INPP5D: variants seen among roughly 807,000 people sequenced by gnomAD.
The protein encoded by INPP5D is inositol polyphosphate-5-phosphatase D.
A neutral mutation model predicts 122.9 loss-of-function variants in INPP5D; 33 were observed. The observed-to-expected ratio is 0.27, with a 90% confidence interval of 0.20 to 0.36. INPP5D has a LOEUF of 0.36. Among genes scored for constraint, INPP5D ranks in the 10% least tolerant of loss-of-function variants. INPP5D has a pLI of 1.00. For synonymous variants in INPP5D, 584 were observed against 576.2 expected, an observed-to-expected ratio of 1.01 and a Z score of -0.19; for missense variants, 1,053 against 1,412.7, an observed-to-expected ratio of 0.75 and a Z score of 4.08.
intron 18 of INPP5D, among the ~76,000 whole-genome samples, chr2:233,180,861 A>T (rs1694766728): frequency 1.3e-5 from 2 of 148,532 alleles, no homozygotes; most frequent in South Asian, 2.1e-4. Flanking sequence ...TTTAGTAGAG[A>T]CGGGGTTTTG....
chr2:233,178,459 A>AT (rs1694701432), intron 18 of INPP5D, among the ~76,000 whole-genome samples: 2 of 145,336 alleles, frequency 1.4e-5, no homozygotes, highest in Non-Finnish European at 3.0e-5. Context: ...GTGGTATTTT[A>AT]TTATTTATTT....
At position 233,170,987 on chromosome 2, in the gene INPP5D, T is replaced by C; in HGVS notation, c.1901-77T>C. Reference sequence around the variant, plus strand: ...TTTCGTCCCCTTTCCCCTGATTTCCTACCAGAAGAATAGGGAAAATTGGCC... The same window carrying C: ...TTTCGTCCCCTTTCCCCTGATTTCCCACCAGAAGAATAGGGAAAATTGGCC... On this transcript the variant is annotated intron_variant, in intron 16 of 26. Transcript: ENST00000445964. This position sits in a 1 kb window ranked among gnomAD's most constrained non-coding sequence, Gnocchi z 4.5. The C allele has an allele frequency of 6.4e-7, 1 of 1,556,162 alleles. No homozygotes were observed. The highest frequency in any genetic ancestry group is 8.7e-7 in the Non-Finnish European group (1 of 1,147,228).
chr2:233,153,202 A>G (rs1474436118), intron 9 of INPP5D, among the ~76,000 whole-genome samples: 2 of 152,212 alleles, frequency 1.3e-5, no homozygotes. Context: ...CCTGGGGGCA[A>G]CCGCACAGTC....
rs1691031785 is a variant in INPP5D, at chr2:233,060,389, C to T, written c.-90C>T. On this transcript the variant is annotated 5_prime_UTR_variant, in exon 1 of 27. Coordinates refer to ENST00000445964, the MANE Select transcript of INPP5D (RefSeq NM_001017915.3). ...GAGGCCACCAAGAGGCAACGGGCGG[C>T]AGGTTGCAGTGGAGGGGCCTCCGCT... 1 of 1,420,840 alleles carries T rather than the reference C, an allele frequency of 7.0e-7. No individual in the cohort carries two copies. Among genetic ancestry groups the T allele is most frequent in the African/African-American group, 1.4e-5 (1 of 69,898 alleles). 88.0% of individuals were successfully genotyped at this position (1,420,840 alleles called of 1,614,324 possible).
At chr2:233,085,712 G>A (rs1416849202) in intron 2 of INPP5D, among the ~76,000 whole-genome samples, 1 of 151,992 alleles carries the variant, frequency 6.6e-6, no homozygotes, top group Admixed American at 6.6e-5. Context: ...TAGCCCCCTG[G>A]GGTACACATG....
intron 2 of INPP5D, among the ~76,000 whole-genome samples, chr2:233,085,304 T>G (rs1691801319): frequency 6.6e-6 from 1 of 151,842 alleles, no homozygotes; most frequent in Non-Finnish European, 1.5e-5. Flanking sequence ...GAGGATCGCT[T>G]GAACCTGAGA....
chr2:233,196,100 G>C (rs1169813507), intron 24 of INPP5D, among the ~76,000 whole-genome samples: 1 of 152,192 alleles, frequency 6.6e-6, no homozygotes, highest in Non-Finnish European at 1.5e-5. Flanking sequence ...CTCCAGCTTA[G>C]GCGACAGAGT....
chr2:233,149,207 G>T (rs1008604160), intron 9 of INPP5D, among the ~76,000 whole-genome samples: 10 of 148,172 alleles, frequency 6.7e-5, no homozygotes, highest in African/African-American at 2.3e-4. Context: ...GGGTTCAAGT[G>T]ATTCTTCTGC....
chr2:233,178,714 C>T (rs1219843625), intron 18 of INPP5D, among the ~76,000 whole-genome samples: 3 of 152,100 alleles, frequency 2.0e-5, no homozygotes, highest in African/African-American at 7.2e-5. Context: ...GAACTCCTGA[C>T]TTCAGGTGAT....
chr2:233,116,254 T>TATAGATATAGATATAGATATAGAC (rs1692790652), intron 2 of INPP5D, among the ~76,000 whole-genome samples: 1 of 96,054 alleles, frequency 1.0e-5, no homozygotes, highest in Non-Finnish European at 2.0e-5. Context: ...GATAGATAGA[T>TATAGATATAGATATAGATATAGAC]ATAGATATAG....
At position 233,193,925 on chromosome 2, in the gene INPP5D, C is replaced by T; in HGVS notation, c.2560C>T (p.Gln854Ter). The T allele has an allele frequency of 6.2e-7, 1 of 1,613,066 alleles. No individual in the cohort carries two copies. The highest frequency in any genetic ancestry group is 2.2e-5 in the East Asian group (1 of 44,860). ...TGHFQGEIKLQTSQGKTREKL... is the reference protein window; with the variant it reads ...TGHFQGEIKL ...CCACTTCCAGGGGGAGATCAAGCTG[C>T]AGACCTCTCAGGGCAAGACGAGGGA... is the stretch of plus-strand genomic sequence containing the variant. Residue 854 changes from glutamine (Q) to a stop codon, truncating the protein, a stop_gained, in exon 23 of 27, where the codon CAG (glutamine) becomes TAG (stop). Coordinates refer to ENST00000445964, the MANE Select transcript of INPP5D (RefSeq NM_001017915.3). LOFTEE classifies it high-confidence loss of function.
intron 2 of INPP5D, among the ~76,000 whole-genome samples, chr2:233,115,292 C>T (rs561989744): frequency 6.6e-6 from 1 of 152,336 alleles, no homozygotes; most frequent in African/African-American, 2.4e-5. Context: ...GGGGCTCCTG[C>T]TCTGCCTGCA....
At chr2:233,118,554 A>T (rs1692871414) in intron 2 of INPP5D, among the ~76,000 whole-genome samples, 1 of 152,204 alleles carries the variant, frequency 6.6e-6, no homozygotes, top group African/African-American at 2.4e-5. Context: ...CCTTATGAAG[A>T]CACCTTCCTG....
intron 25 of INPP5D, among the ~76,000 whole-genome samples, chr2:233,201,670 GCAC>G (rs1263729383): frequency 2.6e-5 from 4 of 152,212 alleles, no homozygotes; most frequent in Non-Finnish European, 4.4e-5. Context: ...CCCAGTTTTA[GCAC>G]TGAAAGTCCC....
At chr2:233,179,563 T>G (rs1694732411) in intron 18 of INPP5D, among the ~76,000 whole-genome samples, 1 of 152,076 alleles carries the variant, frequency 6.6e-6, no homozygotes, top group Non-Finnish European at 1.5e-5. Flanking sequence ...TGCCCCCACC[T>G]CCGGGCCCGG....
At chr2:233,072,032 C>T in intron 1 of INPP5D, among the ~76,000 whole-genome samples, 1 of 152,158 alleles carries the variant, frequency 6.6e-6, no homozygotes, top group East Asian at 1.9e-4. Flanking sequence ...GCCAGTATTT[C>T]TAAAACACTA....
chr2:233,123,836 G>A (rs1693071810), intron 3 of INPP5D, among the ~76,000 whole-genome samples: 1 of 152,154 alleles, frequency 6.6e-6, no homozygotes, highest in Non-Finnish European at 1.5e-5. Context: ...TGGAGCTGGA[G>A]GTCATTATCC....
At chr2:233,143,971 ATGG>A (rs1693681543) in intron 6 of INPP5D, among the ~76,000 whole-genome samples, 1 of 139,636 alleles carries the variant, frequency 7.2e-6, no homozygotes, top group Non-Finnish European at 1.6e-5. Flanking sequence ...GAGGGTGGAG[ATGG>A]TGGTAGTGAT....
Position 233,189,678 on chromosome 2 carries a change from G to T in INPP5D, c.2359-172G>T, listed in dbSNP as rs1559343081. 6.6e-6 allele frequency among the ~76,000 whole-genome samples: 1 copy of T among 152,100 alleles called. No homozygotes were observed. Among genetic ancestry groups the T allele is most frequent in the Non-Finnish European group, 1.5e-5 (1 of 67,992 alleles). Reference sequence around the variant, plus strand: ...AAGGAAGCTAACCCCCACCTTGCTGGACAGGGTGTATGTGAAAGCTATACC... The same window carrying T: ...AAGGAAGCTAACCCCCACCTTGCTGTACAGGGTGTATGTGAAAGCTATACC... On this transcript the variant is annotated intron_variant, in intron 21 of 26. Transcript: ENST00000445964. This position sits in a 1 kb window ranked among gnomAD's most constrained non-coding sequence, Gnocchi z 5.6.
Sources: allele counts gnomAD v4.1 joint callset (sites outside exome capture counted in the v4.1 genomes callset), GRCh38; gene constraint gnomAD v4.1.1; non-coding constraint Gnocchi (gnomAD v3.1); transcripts MANE v1.5; gene names NCBI Gene and HGNC (gene_info 2026-07-23, HGNC 2026-07-21).